The following HECW2 variants were observed in gnomAD, a reference collection of about 807,000 sequenced individuals.
The protein encoded by HECW2 is HECT, C2 and WW domain containing E3 ubiquitin protein ligase 2.
A neutral mutation model predicts 175.2 loss-of-function variants in HECW2; 61 were observed. The ratio of observed to expected loss-of-function variants is 0.35; its 90% CI spans 0.28 to 0.43. The LOEUF (loss-of-function observed/expected upper bound fraction) is 0.43, where lower values mean the gene tolerates loss of function less well. HECW2 is among the 20% of genes least tolerant of loss of function. The pLI, the probability that HECW2 is intolerant of heterozygous loss-of-function variation, is 1.00. For synonymous variants in HECW2, 671 were observed against 731.0 expected (o/e 0.92, Z 1.32); for missense variants, 1,524 against 2,000.5 (o/e 0.76, Z 4.54).
chr2:196,514,445 G>A (rs1347518439), intron 1 of HECW2, among the ~76,000 whole-genome samples: 2 of 152,232 alleles, frequency 1.3e-5, no homozygotes, highest in African/African-American at 4.8e-5. Context: ...GCAGGAGGCA[G>A]AAGGGCTCCT....
At chr2:196,510,936 GT>G (rs1004394624) in intron 1 of HECW2, among the ~76,000 whole-genome samples, 17 of 151,696 alleles carry the variant, frequency 1.1e-4, no homozygotes, top group Middle Eastern at 3.4e-3. Context: ...TTTGTTTGGG[GT>G]TTTTTTCTTG....
intron 13 of HECW2, among the ~76,000 whole-genome samples, chr2:196,301,003 C>G (rs1286088738): frequency 6.6e-6 from 1 of 152,058 alleles, no homozygotes; most frequent in South Asian, 2.1e-4. Context: ...CATCCATTAA[C>G]TATTATCCCT....
intron 1 of HECW2, among the ~76,000 whole-genome samples, chr2:196,588,355 C>T (rs1188301016): frequency 6.6e-6 from 1 of 152,144 alleles, no homozygotes; most frequent in Non-Finnish European, 1.5e-5. Flanking sequence ...ATTGCTTTTC[C>T]CTTCTAACCA....
intron 1 of HECW2, among the ~76,000 whole-genome samples, chr2:196,458,342 C>A (rs1216666428): frequency 1.3e-5 from 2 of 152,014 alleles, no homozygotes; most frequent in Non-Finnish European, 2.9e-5. Context: ...CTATTAAATT[C>A]TACACCTGAA....
In HECW2 at chr2:196,318,945, C is replaced by T. The variant is rs1397065732; in HGVS notation, c.1945G>A (p.Val649Met). 2 of 1,608,644 alleles carry T rather than the reference C, an allele frequency of 1.2e-6. No homozygotes were observed. Reference protein sequence around the residue: ...ECADSSCNESVTTQLSSVDTR... With the variant: ...ECADSSCNESMTTQLSSVDTR... The stretch of plus-strand genomic sequence containing the variant: ...TCCACAGAGGACAGCTGCGTGGTCA[C>T]ACTCTCATTGCAGGAGCTGTCAGCG... Residue 649 changes from valine (V) to methionine (M), a missense_variant, in exon 9 of 29, where the codon GTG becomes ATG. Val to Met is a conservative substitution (Grantham distance 21). Coordinates refer to ENST00000644978, the MANE Select transcript of HECW2 (RefSeq NM_001348768.2).
rs779373864 is a variant in HECW2 at position 196,319,215 on chromosome 2, T to C, written c.1675A>G (p.Ser559Gly). The change falls in exon 9 of 29, where the codon AGT (serine) becomes GGT (glycine). Residue 559 changes from serine (S) to glycine (G), a missense_variant. Physicochemically the swap from Ser to Gly is moderately conservative, Grantham distance 56. Coordinates refer to ENST00000644978, the MANE Select transcript of HECW2 (RefSeq NM_001348768.2). ...EGEGGPEPQP[S>G]ADQGSAELCG... ...AGTTCAGCACTGCCCTGGTCAGCAC[T>C]GGGTTGAGGCTCTGGGCCGCCTTCA... is the stretch of plus-strand genomic sequence containing the variant. 4 of 1,597,570 alleles carry C rather than the reference T, an allele frequency of 2.5e-6. No individual in the cohort carries two copies. Among genetic ancestry groups the C allele is most frequent in the Non-Finnish European group, 2.6e-6 (3 of 1,172,186 alleles).
At chr2:196,201,849 G>GGA (rs1439490661) in intron 28 of HECW2, among the ~76,000 whole-genome samples, 1 of 152,048 alleles carries the variant, frequency 6.6e-6, no homozygotes, top group Non-Finnish European at 1.5e-5. Context: ...ACAGGGAAGA[G>GGA]GAGCCAGTGT....
chr2:196,426,123 A>G (rs1302834533), intron 2 of HECW2, among the ~76,000 whole-genome samples: 3 of 152,180 alleles, frequency 2.0e-5, no homozygotes, highest in Admixed American at 6.5e-5. Flanking sequence ...TTTATGATAA[A>G]GTCTTTTTAA....
intron 28 of HECW2, among the ~76,000 whole-genome samples, chr2:196,208,566 G>C (rs1687150289): frequency 6.6e-6 from 1 of 152,208 alleles, no homozygotes; most frequent in South Asian, 2.1e-4. Flanking sequence ...AAGGAAGTAA[G>C]GGGTGAAAGA....
intron 2 of HECW2, among the ~76,000 whole-genome samples, chr2:196,395,290 T>C (rs1694629017): frequency 6.6e-6 from 1 of 152,170 alleles, no homozygotes; most frequent in South Asian, 2.1e-4. Context: ...CTTTATGACA[T>C]TGGATTTGGC....
intron 1 of HECW2, among the ~76,000 whole-genome samples, chr2:196,582,337 G>A (rs1013801551): frequency 6.6e-5 from 10 of 152,130 alleles, no homozygotes; most frequent in Admixed American, 6.5e-4. Context: ...GCACAAGAAG[G>A]TTCCAGCTAT....
rs139845653 is a variant in HECW2, at chr2:196,521,950, C to G, written c.-36+71558G>C. Among the ~76,000 whole-genome samples, 760 of 152,048 alleles carry G rather than the reference C, an allele frequency of 5.0e-3. 6 individuals are homozygous for G. Among genetic ancestry groups the G allele is most frequent in the Middle Eastern group, 0.014 (4 of 294 alleles). ...TAATGCCACAATAAACATACATGTG[C>G]CTGTGTCTTTATAGCAGCATGATTT... On this transcript the variant is annotated intron_variant, in intron 1 of 28. Transcript: ENST00000644978.
chr2:196,340,319 G>A (rs971336111), intron 3 of HECW2, among the ~76,000 whole-genome samples: 6 of 152,124 alleles, frequency 3.9e-5, no homozygotes, highest in South Asian at 2.1e-4. Context: ...ACATCCAGCC[G>A]GGCACGGTGG....
At chr2:196,424,380 T>A (rs533863805) in intron 2 of HECW2, among the ~76,000 whole-genome samples, 2 of 152,204 alleles carry the variant, frequency 1.3e-5, no homozygotes, top group South Asian at 4.1e-4. Flanking sequence ...AAGTCACACA[T>A]CTCTCACTTT....
chr2:196,435,548 A>G (rs1452197169), intron 1 of HECW2, among the ~76,000 whole-genome samples: 1 of 152,246 alleles, frequency 6.6e-6, no homozygotes, highest in Admixed American at 6.5e-5. Context: ...ATCACAACAG[A>G]AGAAATACTG....
intron 1 of HECW2, among the ~76,000 whole-genome samples, chr2:196,585,832 C>T: frequency 6.6e-6 from 1 of 152,100 alleles, no homozygotes; most frequent in East Asian, 1.9e-4. Context: ...TCCTGAAAAC[C>T]TTAGAGTATG....
chr2:196,388,182 C>T (rs1050264850), intron 2 of HECW2, among the ~76,000 whole-genome samples: 1 of 152,084 alleles, frequency 6.6e-6, no homozygotes, highest in African/African-American at 2.4e-5. Flanking sequence ...CCTGTAGTCT[C>T]AGCTGCCTGG....
At chr2:196,465,562 A>G (rs775123939) in intron 1 of HECW2, among the ~76,000 whole-genome samples, 1 of 151,876 alleles carries the variant, frequency 6.6e-6, no homozygotes, top group Non-Finnish European at 1.5e-5. Context: ...CATTTTTTCT[A>G]CTGCTTGTAA....
intron 1 of HECW2, among the ~76,000 whole-genome samples, chr2:196,476,318 C>T (rs1417744589): frequency 1.3e-5 from 2 of 152,062 alleles, no homozygotes; most frequent in Non-Finnish European, 2.9e-5. Context: ...GTGGCGCATG[C>T]CTGTGGTCCC....
Sources: gnomAD v4.1 joint callset for allele counts (sites outside exome capture counted in the v4.1 genomes callset) on GRCh38, gnomAD v4.1.1 for gene constraint, MANE v1.5 for transcripts, NCBI Gene and HGNC (gene_info 2026-07-23, HGNC 2026-07-21) for gene names.